Variants in QTMAN observed in about 807,000 individuals in gnomAD.
QTMAN encodes the protein queuosine-tRNA mannosyltransferase.
At chr2:144,247,396 GAATT>G in the QTMAN span, among the ~76,000 whole-genome samples, 1 of 152,126 alleles carries the variant, frequency 6.6e-6, no homozygotes, top group Non-Finnish European at 1.5e-5. Flanking sequence ...CTTTTCATCA[GAATT>G]AATTACAATA....
chr2:144,125,228 A>T, the QTMAN span, among the ~76,000 whole-genome samples: 1 of 152,052 alleles, frequency 6.6e-6, no homozygotes, highest in Admixed American at 6.6e-5. Context: ...GAGTTTTTTT[A>T]AAAGAAGGCT....
the QTMAN span, among the ~76,000 whole-genome samples, chr2:144,120,345 T>C: frequency 1.3e-5 from 2 of 152,158 alleles, no homozygotes; most frequent in African/African-American, 2.4e-5. Flanking sequence ...ACTGCCCCAA[T>C]ATCTGTATTA....
the QTMAN span, among the ~76,000 whole-genome samples, chr2:144,281,718 T>G: frequency 6.6e-6 from 1 of 152,188 alleles, no homozygotes; most frequent in African/African-American, 2.4e-5. Flanking sequence ...GAACTTAGCA[T>G]GCTTGCATAT....
chr2:144,105,980 C>A, the QTMAN span, among the ~76,000 whole-genome samples: 2 of 152,186 alleles, frequency 1.3e-5, no homozygotes, highest in African/African-American at 2.4e-5. Flanking sequence ...AATTTTCAAC[C>A]CAGAATTTCA....
chr2:144,297,995 A>G, the QTMAN span, among the ~76,000 whole-genome samples: 1 of 151,866 alleles, frequency 6.6e-6, no homozygotes. Flanking sequence ...TGGTAAAAGT[A>G]TTACGACTAC....
the QTMAN span, among the ~76,000 whole-genome samples, chr2:143,967,326 G>A: frequency 2.6e-5 from 4 of 151,724 alleles, no homozygotes; most frequent in Non-Finnish European, 5.9e-5. Flanking sequence ...GTATCACATA[G>A]TATATAATTT....
At chr2:144,205,294 C>T in the QTMAN span, among the ~76,000 whole-genome samples, 2 of 152,206 alleles carry the variant, frequency 1.3e-5, no homozygotes, top group Non-Finnish European at 2.9e-5. Context: ...CATGCTTGTA[C>T]TTCATGGTTG....
chr2:144,315,645 G>A, the QTMAN span, among the ~76,000 whole-genome samples: 1 of 152,112 alleles, frequency 6.6e-6, no homozygotes, highest in Non-Finnish European at 1.5e-5. Flanking sequence ...CCCTCTTTGA[G>A]AAAAACTTTC....
At chr2:144,300,675 T>C in the QTMAN span, among the ~76,000 whole-genome samples, 1 of 152,180 alleles carries the variant, frequency 6.6e-6, no homozygotes, top group African/African-American at 2.4e-5. Context: ...ATATACGAAC[T>C]GTTCTGTATT....
the QTMAN span, among the ~76,000 whole-genome samples, chr2:144,163,059 A>G: frequency 6.6e-5 from 10 of 152,214 alleles, 1 homozygote; most frequent in Admixed American, 2.0e-4. Context: ...TATCCAAAAG[A>G]CAAAATTTTA....
At chr2:143,977,183 G>GT in the QTMAN span, among the ~76,000 whole-genome samples, 496 of 152,222 alleles carry the variant, frequency 3.3e-3, 8 homozygotes, top group African/African-American at 0.011. Flanking sequence ...ATTCAAGATG[G>GT]TAAGATGTTT....
chr2:144,092,440 G>T, the QTMAN span, among the ~76,000 whole-genome samples: 1 of 152,120 alleles, frequency 6.6e-6, no homozygotes, highest in Admixed American at 6.6e-5. Context: ...CTCCCAAAGT[G>T]CTGGGATTAC....
chr2:144,044,859 T>C, the QTMAN span, among the ~76,000 whole-genome samples: 2 of 152,172 alleles, frequency 1.3e-5, no homozygotes, highest in Non-Finnish European at 2.9e-5. Flanking sequence ...TGGAAGTATG[T>C]GGTGGTTGAC....
the QTMAN span, among the ~76,000 whole-genome samples, chr2:144,165,390 T>A: frequency 7.3e-5 from 11 of 151,148 alleles, no homozygotes; most frequent in Non-Finnish European, 1.2e-4. Context: ...AATAAATAAA[T>A]ATAAATAAAT....
the QTMAN span, among the ~76,000 whole-genome samples, chr2:144,082,147 T>G: frequency 6.6e-6 from 1 of 152,160 alleles, no homozygotes; most frequent in Non-Finnish European, 1.5e-5. Context: ...CATCACTGCC[T>G]TGGCCTCCCA....
chr2:144,207,887 TCA>T, the QTMAN span, among the ~76,000 whole-genome samples: 4 of 152,034 alleles, frequency 2.6e-5, no homozygotes, highest in Non-Finnish European at 5.9e-5. Flanking sequence ...GATGGGGGTC[TCA>T]CTCTATTGCC....
the QTMAN span, among the ~76,000 whole-genome samples, chr2:144,223,179 C>A: frequency 6.6e-6 from 1 of 151,884 alleles, no homozygotes; most frequent in African/African-American, 2.4e-5. Context: ...TTTAAACCAC[C>A]CATTCCAAAA....
chr2:144,253,739 T>C, the QTMAN span, among the ~76,000 whole-genome samples: 3 of 151,788 alleles, frequency 2.0e-5, no homozygotes, highest in South Asian at 2.1e-4. Context: ...TTTGGAAAAT[T>C]TGCAGCCTAA....
At chr2:144,036,729 G>A in the QTMAN span, among the ~76,000 whole-genome samples, 1 of 152,108 alleles carries the variant, frequency 6.6e-6, no homozygotes, top group Non-Finnish European at 1.5e-5. Context: ...GAACCTTAAT[G>A]GCAGGTTGGC....
Sources: gnomAD v4.1 joint callset for allele counts (sites outside exome capture counted in the v4.1 genomes callset) on GRCh38, gnomAD v4.1.1 for gene constraint, MANE v1.5 for transcripts, NCBI Gene and HGNC (gene_info 2026-07-23, HGNC 2026-07-21) for gene names.